GTF2E1: variants seen among roughly 807,000 people sequenced by gnomAD.
The protein encoded by GTF2E1 is TFIIE alpha subunit.
GTF2E1 carries 14 observed loss-of-function variants against 34.9 expected under a neutral mutation model. The ratio of observed to expected loss-of-function variants is 0.40; its 90% CI spans 0.27 to 0.63. The LOEUF (loss-of-function observed/expected upper bound fraction) is 0.63. Ranked by LOEUF, GTF2E1 falls within the 20% of genes least tolerant of loss-of-function variation. The pLI, the probability that GTF2E1 is intolerant of heterozygous loss-of-function variation, is 0.39. For missense variants in GTF2E1, 469 were observed against 557.7 expected (o/e 0.84, Z 1.60); for synonymous variants, 188 against 192.9 (o/e 0.97, Z 0.21).
In GTF2E1 at chr3:120,775,717, C is replaced by T. The variant is rs183282315; in HGVS notation, c.651-706C>T. On this transcript the variant is annotated intron_variant, in intron 3 of 4. Coordinates refer to ENST00000283875, the MANE Select transcript of GTF2E1 (RefSeq NM_005513.3). Reference sequence around the variant, plus strand: ...GATCGTGGGTGGTAAAAGTAAAAAGCAAAATAAAATAGACTGAGAAAAACA... The same window carrying T: ...GATCGTGGGTGGTAAAAGTAAAAAGTAAAATAAAATAGACTGAGAAAAACA... 2.0e-5 allele frequency among the ~76,000 whole-genome samples: 3 copies of T among 152,082 alleles called. No individual in the cohort carries two copies. The East Asian group carries it at 5.8e-4, about 29-fold the overall frequency.
chr3:120,747,250 T>A (rs909070330), intron 1 of GTF2E1, among the ~76,000 whole-genome samples: 3 of 151,346 alleles, frequency 2.0e-5, no homozygotes, highest in Admixed American at 6.6e-5. Context: ...ATTATTTTTA[T>A]TTTATTATTA....
Position 120,744,133 on chromosome 3 carries a change from C to G in GTF2E1, c.-31+1339C>G, listed in dbSNP as rs538776516. 3.9e-5 allele frequency among the ~76,000 whole-genome samples: 6 copies of G among 152,284 alleles called. No individual in the cohort carries two copies. In the South Asian group the frequency reaches 1.2e-3, roughly 32 times the overall value. On this transcript the variant is annotated intron_variant, in intron 1 of 4. Transcript: ENST00000283875. ...GGGCTCACTTTTTCCTCAGATATTT[C>G]CAATTTTGCAAGAGGAGCTGGAAGT...
chr3:120,770,026 G>A (rs1190826251), intron 2 of GTF2E1, among the ~76,000 whole-genome samples: 2 of 152,080 alleles, frequency 1.3e-5, no homozygotes, highest in Non-Finnish European at 2.9e-5. Flanking sequence ...AATCATACAT[G>A]GGGCCTTTTA....
intron 1 of GTF2E1, among the ~76,000 whole-genome samples, chr3:120,747,939 A>G (rs1301884078): frequency 1.3e-5 from 2 of 152,054 alleles, no homozygotes; most frequent in African/African-American, 4.8e-5. Context: ...AATGATTGCC[A>G]TTCTAACTGG....
intron 2 of GTF2E1, among the ~76,000 whole-genome samples, chr3:120,756,727 A>G (rs1709212882): frequency 6.6e-6 from 1 of 152,104 alleles, no homozygotes; most frequent in African/African-American, 2.4e-5. Context: ...GTAGTTCAAG[A>G]CCAGCCTGGC....
At chr3:120,761,878 C>A (rs1235979652) in intron 2 of GTF2E1, among the ~76,000 whole-genome samples, 1 of 150,874 alleles carries the variant, frequency 6.6e-6, no homozygotes, top group Non-Finnish European at 1.5e-5. Context: ...GCAAACTCTG[C>A]CTCCCGGGTT....
intron 1 of GTF2E1, among the ~76,000 whole-genome samples, chr3:120,743,928 G>A (rs1261495524): frequency 2.6e-5 from 4 of 152,122 alleles, no homozygotes; most frequent in Admixed American, 6.5e-5. Flanking sequence ...AATACACGTG[G>A]GTCTGGGCTG....
intron 4 of GTF2E1, among the ~76,000 whole-genome samples, chr3:120,780,173 A>G (rs965290828): frequency 6.6e-6 from 1 of 152,200 alleles, no homozygotes; most frequent in African/African-American, 2.4e-5. Flanking sequence ...GGCAGGTACT[A>G]TTTAGGTAAA....
chr3:120,779,561 T>A (rs906026789), intron 4 of GTF2E1, among the ~76,000 whole-genome samples: 2 of 152,232 alleles, frequency 1.3e-5, no homozygotes, highest in African/African-American at 2.4e-5. Flanking sequence ...TTTTAGGAGT[T>A]CTGTGCCTTC....
chr3:120,750,543 G>A lies in GTF2E1; in HGVS notation c.-10G>A, dbSNP rs775111675. On this transcript the variant is annotated 5_prime_UTR_variant, in exon 2 of 5. Coordinates refer to ENST00000283875, the MANE Select transcript of GTF2E1 (RefSeq NM_005513.3). ...TTCAGTATATTTAAAGTTGGAGTTC[G>A]TTGCTAAAGATGGCAGACCCAGATG... 21 of 1,597,642 alleles carry A rather than the reference G, an allele frequency of 1.3e-5. No individual in the cohort carries two copies. The highest frequency in any genetic ancestry group is 1.2e-4 in the South Asian group (11 of 90,260).
chr3:120,778,649 A>G (rs976006923), intron 4 of GTF2E1, among the ~76,000 whole-genome samples: 3 of 152,174 alleles, frequency 2.0e-5, no homozygotes, highest in Admixed American at 2.0e-4. Flanking sequence ...AGAATGATAC[A>G]TGTTGTTCAT....
intron 2 of GTF2E1, among the ~76,000 whole-genome samples, chr3:120,757,102 T>G (rs936241263): frequency 6.6e-6 from 1 of 152,218 alleles, no homozygotes; most frequent in Admixed American, 6.5e-5. Context: ...TGAGATGAGT[T>G]TGGTTCTGCA....
chr3:120,776,226 A>G (rs923121768), intron 3 of GTF2E1, among the ~76,000 whole-genome samples, 197 bp from the exon 4 acceptor site: 2 of 152,188 alleles, frequency 1.3e-5, no homozygotes, highest in African/African-American at 2.4e-5. Flanking sequence ...TATAAATATG[A>G]TGTGTTTTTC....
At chr3:120,780,205 C>G (rs1709434950) in intron 4 of GTF2E1, among the ~76,000 whole-genome samples, 1 of 151,874 alleles carries the variant, frequency 6.6e-6, no homozygotes, top group Admixed American at 6.6e-5. Flanking sequence ...CATGAATAAA[C>G]AAGATAAATA....
At chr3:120,780,997 G>T (rs756965177) in intron 4 of GTF2E1, 46 bp from the exon 5 acceptor site, 3 of 1,262,596 alleles carry the variant, frequency 2.4e-6, no homozygotes. Flanking sequence ...ATAAAGAAAT[G>T]CCATTTATAT....
Position 120,750,818 on chromosome 3 carries a change from A to C in GTF2E1, c.266A>C (p.His89Pro). 1 of 1,614,090 alleles carries C rather than the reference A, an allele frequency of 6.2e-7. No individual in the cohort carries two copies. Among genetic ancestry groups the C allele is most frequent in the Non-Finnish European group, 8.5e-7 (1 of 1,179,952 alleles). ...ETAADGKTTRHNYYFINYRTL... is the reference protein window; with the variant it reads ...ETAADGKTTRPNYYFINYRTL... The stretch of plus-strand genomic sequence containing the variant: ...GCTGCAGACGGGAAAACCACTCGCC[A>C]TAACTACTACTTCATCAATTATCGT... The change falls in exon 2 of 5, where the codon CAT becomes CCT. Residue 89 changes from histidine to proline, a missense_variant. His to Pro is a moderately conservative substitution (Grantham distance 77). Transcript: ENST00000283875.
At chr3:120,754,780 ATAATT>A (rs1424910372) in intron 2 of GTF2E1, among the ~76,000 whole-genome samples, 3 of 151,890 alleles carry the variant, frequency 2.0e-5, no homozygotes, top group Admixed American at 6.6e-5. Context: ...TTGAGATGAG[ATAATT>A]TAATTTTTTT....
chr3:120,745,901 G>A (rs1709100950), intron 1 of GTF2E1, among the ~76,000 whole-genome samples: 1 of 152,190 alleles, frequency 6.6e-6, no homozygotes, highest in Non-Finnish European at 1.5e-5. Context: ...GCATCCTTAA[G>A]CCCTGGGGTA....
In GTF2E1 at chr3:120,769,544, TATCTA is replaced by T. The variant is rs538883507; in HGVS notation, c.449-1183_449-1179del. Among the ~76,000 whole-genome samples, 378 of 152,328 alleles carry T rather than the reference TATCTA, an allele frequency of 2.5e-3. 3 individuals are homozygous for T. The highest frequency in any genetic ancestry group is 8.3e-3 in the African/African-American group (347 of 41,586). ...TATGATTGGGTATCTTCATAAATCT[TATCTA>T]GGAGGTGACAAGAACAGAGTGACGC... On this transcript the variant is annotated intron_variant, in intron 2 of 4. Coordinates refer to ENST00000283875, the MANE Select transcript of GTF2E1 (RefSeq NM_005513.3).
Sources: gnomAD v4.1 joint callset for allele counts (sites outside exome capture counted in the v4.1 genomes callset) on GRCh38, gnomAD v4.1.1 for gene constraint, MANE v1.5 for transcripts, NCBI Gene and HGNC (gene_info 2026-07-23, HGNC 2026-07-21) for gene names.